The following ZNF83 variants were observed in gnomAD, a reference collection of about 807,000 sequenced individuals.
ZNF83 encodes the protein zinc finger protein 83.
For missense variants in ZNF83, 552 were observed against 629.9 expected (o/e 0.88, Z 1.32); for synonymous variants, 209 against 213.0 (o/e 0.98, Z 0.17).
At chr19:52,669,615 T>C (rs1404836280) in intron 1 of ZNF83, among the ~76,000 whole-genome samples, 1 of 152,192 alleles carries the variant, frequency 6.6e-6, no homozygotes, top group East Asian at 1.9e-4. Flanking sequence ...AACAAAGACA[T>C]TGCAAGGTCT....
chr19:52,613,207 C>G, exon 3 of ZNF83: 1 of 1,614,084 alleles, frequency 6.2e-7, no homozygotes, highest in Non-Finnish European at 8.5e-7. Flanking sequence ...AGGTTTCTCT[C>G]CAGTGTGAAT....
At chr19:52,620,351 C>G (rs1011305321) in intron 2 of ZNF83, among the ~76,000 whole-genome samples, 3 of 150,242 alleles carry the variant, frequency 2.0e-5, no homozygotes, top group Non-Finnish European at 4.4e-5. Context: ...GGAACTTTGG[C>G]AGTTGAGGGC....
chr19:52,689,034 A>C (rs1376039691), intron 1 of ZNF83, among the ~76,000 whole-genome samples: 1 of 151,822 alleles, frequency 6.6e-6, no homozygotes, highest in Non-Finnish European at 1.5e-5. Flanking sequence ...ATGTTTTACA[A>C]ATGTCTGTAT....
At chr19:52,685,953 C>T (rs916100644) in intron 1 of ZNF83, among the ~76,000 whole-genome samples, 3 of 151,478 alleles carry the variant, frequency 2.0e-5, no homozygotes, top group Non-Finnish European at 4.4e-5. Context: ...GAACAGCATT[C>T]CATGCCAATC....
At chr19:52,623,559 C>T (rs1039879060) in intron 2 of ZNF83, among the ~76,000 whole-genome samples, 3 of 152,266 alleles carry the variant, frequency 2.0e-5, no homozygotes, top group East Asian at 1.9e-4. Context: ...TCCTGGACTA[C>T]AGCCACATCT....
At position 52,635,243 on chromosome 19, in the gene ZNF83, G is replaced by A. The variant is rs1162760990; in HGVS notation, c.-321-90C>T. 6.2e-6 allele frequency: 3 copies of A among 486,534 alleles called. No individual in the cohort carries two copies. The Admixed American group carries it at 1.0e-4, about 17-fold the overall frequency. 30.1% of individuals were successfully genotyped at this position (486,534 alleles called of 1,614,324 possible). ...ACACATACAAAGGAGACCTCACCCT[G>A]AGGAAATATGGTCCCCTCTGCTGCC... On this transcript the variant is annotated intron_variant, in intron 1 of 2. Transcript: ENST00000301096.
chr19:52,637,196 C>CGTCCTCAATCTT (rs1427089302), intron 1 of ZNF83: 2 of 152,378 alleles, frequency 1.3e-5, no homozygotes, highest in Non-Finnish European at 2.9e-5. Flanking sequence ...ATCGTTCTAT[C>CGTCCTCAATCTT]GTCCTCAATC....
At chr19:52,630,093 A>G (rs12610370) in intron 2 of ZNF83, among the ~76,000 whole-genome samples, 3,896 of 152,252 alleles carry the variant, frequency 0.026, 187 homozygotes, top group African/African-American at 0.08. Flanking sequence ...CCCGCAGCCC[A>G]GGATTCCTCC....
At chr19:52,689,896 C>T (rs929140141) in intron 1 of ZNF83, among the ~76,000 whole-genome samples, 1 of 152,230 alleles carries the variant, frequency 6.6e-6, no homozygotes, top group Admixed American at 6.5e-5. Context: ...CCGGGCACCT[C>T]CCCAACGCGG....
In ZNF83 at chr19:52,613,498, C is replaced by T. The variant is rs751397500; in HGVS notation, c.1067G>A (p.Arg356His). 3.2e-5 allele frequency: 52 copies of T among 1,611,136 alleles called. 1 individual carries two copies. Among genetic ancestry groups the T allele is most frequent in the African/African-American group, 2.6e-4 (19 of 74,158 alleles). Reference sequence around the variant, plus strand: ...CAGATGTTGGGCAAGGTATGAATTGCGACTGAAGACCTTGCCACATTCATT... The same window carrying T: ...CAGATGTTGGGCAAGGTATGAATTGTGACTGAAGACCTTGCCACATTCATT... The change falls in exon 3 of 3, where the codon CGC becomes CAC. Residue 356 changes from arginine to histidine, a missense_variant. Arg to His is a conservative substitution (Grantham distance 29). Coordinates refer to ENST00000301096, the Ensembl canonical transcript of ZNF83.
chr19:52,619,707 T>C (rs953043049), intron 2 of ZNF83, among the ~76,000 whole-genome samples: 2 of 151,424 alleles, frequency 1.3e-5, no homozygotes, highest in Non-Finnish European at 2.9e-5. Flanking sequence ...GCATGAGTGA[T>C]GCCTTCAAAG....
At chr19:52,626,446 T>G (rs541259533) in intron 2 of ZNF83, among the ~76,000 whole-genome samples, 5 of 152,306 alleles carry the variant, frequency 3.3e-5, no homozygotes, top group Middle Eastern at 3.4e-3. Flanking sequence ...AACTCAAGGA[T>G]AGAGCCCAGA....
chr19:52,633,347 T>C (rs1317407389), intron 2 of ZNF83, among the ~76,000 whole-genome samples: 2 of 152,248 alleles, frequency 1.3e-5, no homozygotes, highest in South Asian at 2.1e-4. Context: ...AACAGCTTTA[T>C]TGCTCACACA....
At chr19:52,627,711 G>A (rs1600178368) in intron 2 of ZNF83, among the ~76,000 whole-genome samples, 1 of 152,122 alleles carries the variant, frequency 6.6e-6, no homozygotes, top group Non-Finnish European at 1.5e-5. Flanking sequence ...GAACTACTCT[G>A]TACAACAAAC....
At chr19:52,680,643 C>T (rs372516208) in intron 1 of ZNF83, among the ~76,000 whole-genome samples, 23 of 117,974 alleles carry the variant, frequency 1.9e-4, no homozygotes, top group Admixed American at 5.4e-4. Context: ...GACGGAGTCT[C>T]GCTCTGTCGC....
intron 3 of ZNF83, chr19:52,650,755 G>A (rs2061431938): frequency 6.6e-6 from 1 of 152,180 alleles, no homozygotes; most frequent in Non-Finnish European, 1.5e-5. Context: ...ACTTCCTAAG[G>A]CTGGGACAAA....
chr19:52,618,844 G>A, intron 2 of ZNF83: 1 of 1,493,862 alleles, frequency 6.7e-7, no homozygotes. Context: ...TTCCATTTTA[G>A]TCAAGCAAGG....
intron 2 of ZNF83, among the ~76,000 whole-genome samples, chr19:52,630,289 C>T (rs1211297961): frequency 2.0e-5 from 3 of 152,174 alleles, no homozygotes; most frequent in African/African-American, 4.8e-5. Context: ...AGGACCATCA[C>T]AGATGCTCTA....
chr19:52,623,845 G>A (rs867754745), intron 2 of ZNF83, among the ~76,000 whole-genome samples: 8 of 152,172 alleles, frequency 5.3e-5, no homozygotes, highest in South Asian at 2.1e-4. Flanking sequence ...AAAGCTGGAC[G>A]AGTCTTACAG....
Sources: gnomAD v4.1 joint callset for allele counts (sites outside exome capture counted in the v4.1 genomes callset) on GRCh38, gnomAD v4.1.1 for gene constraint, MANE v1.5 for transcripts, NCBI Gene and HGNC (gene_info 2026-07-23, HGNC 2026-07-21) for gene names.